ATP8A1: variants seen among roughly 807,000 people sequenced by gnomAD.
ATP8A1 encodes the protein phospholipid-transporting ATPase IA.
In ATP8A1, 90 loss-of-function variants were observed where a neutral mutation model predicts 177.7. The ratio of observed to expected loss-of-function variants is 0.51; its 90% confidence interval spans 0.43 to 0.60. The LOEUF is 0.60. Among genes scored for constraint, ATP8A1 ranks in the 20% least tolerant of loss-of-function variants. ATP8A1 has a pLI of 0.00. For synonymous variants in ATP8A1, 493 were observed against 485.9 expected (o/e 1.01, Z -0.19); for missense variants, 1,072 against 1,392.8 (o/e 0.77, Z 3.67).
chr4:42,476,953 T>C (rs78174121), intron 25 of ATP8A1, among the ~76,000 whole-genome samples: 1,905 of 152,342 alleles, frequency 0.013, 43 homozygotes, highest in African/African-American at 0.043. Flanking sequence ...CCACTGATTT[T>C]ATATATGTCT....
At position 42,513,529 on chromosome 4, in the gene ATP8A1, A is replaced by T. The variant is rs114542545; in HGVS notation, c.1948-6375T>A. The stretch of plus-strand genomic sequence containing the variant: ...AGCCAAGAAATGGGGAGAGGTGGGG[A>T]AGGATAAGGGAGGTGATTCCAAATG... On this transcript the variant is annotated intron_variant, in intron 22 of 36. Coordinates refer to ENST00000381668, the MANE Select transcript of ATP8A1 (RefSeq NM_006095.2). Among the ~76,000 whole-genome samples the T allele has an allele frequency of 5.5e-3, 841 of 152,286 alleles. 10 individuals carry two copies. The highest frequency in any genetic ancestry group is 7.4e-3 in the Non-Finnish European group (500 of 68,022).
chr4:42,649,279 T>G (rs746226426), intron 1 of ATP8A1, among the ~76,000 whole-genome samples: 6 of 152,146 alleles, frequency 3.9e-5, no homozygotes, highest in Admixed American at 6.5e-5. Flanking sequence ...TTCCAGGCAC[T>G]AAGGATATAA....
At position 42,413,259 on chromosome 4, in the gene ATP8A1, C is replaced by T. The variant is rs112601548; in HGVS notation, c.3398-246G>A. ...TCTCTCTAGAAGACTGAGTAGGCAC[C>T]CTCAATTCCCCTAAATCCTCTGTCC... is the stretch of plus-strand genomic sequence containing the variant. On this transcript the variant is annotated intron_variant, in intron 36 of 36. Coordinates refer to ENST00000381668, the MANE Select transcript of ATP8A1 (RefSeq NM_006095.2). Among the ~76,000 whole-genome samples, 264 of 152,194 alleles carry T rather than the reference C, an allele frequency of 1.7e-3. 1 individual carries two copies. Among genetic ancestry groups the T allele is most frequent in the African/African-American group, 6.2e-3 (256 of 41,522 alleles).
chr4:42,626,096 T>C, intron 2 of ATP8A1: 1 of 153,778 alleles, frequency 6.5e-6, no homozygotes, highest in Non-Finnish European at 1.4e-5. Flanking sequence ...ATCAGCAATT[T>C]GAGCAATTTG....
chr4:42,441,265 G>A (rs1716611061), intron 33 of ATP8A1, among the ~76,000 whole-genome samples: 2 of 152,020 alleles, frequency 1.3e-5, no homozygotes, highest in South Asian at 2.1e-4. Flanking sequence ...AGTTGAATAA[G>A]CTTTAAGACA....
chr4:42,436,553 G>C (rs1249830963), intron 33 of ATP8A1, among the ~76,000 whole-genome samples: 1 of 152,198 alleles, frequency 6.6e-6, no homozygotes, highest in Non-Finnish European at 1.5e-5. Context: ...GCTGCCTTTA[G>C]AACAGTGAAT....
At chr4:42,463,957 G>A (rs1025378741) in intron 27 of ATP8A1, among the ~76,000 whole-genome samples, 3 of 152,114 alleles carry the variant, frequency 2.0e-5, no homozygotes, top group Non-Finnish European at 2.9e-5. Flanking sequence ...CTTCCTGATT[G>A]CACTTCTTTG....
intron 27 of ATP8A1, among the ~76,000 whole-genome samples, chr4:42,464,484 C>T (rs906270417): frequency 5.3e-5 from 8 of 152,224 alleles, no homozygotes; most frequent in South Asian, 2.1e-4. Context: ...AAGCTGGTCT[C>T]GAACTCCCGA....
intron 7 of ATP8A1, 108 bp downstream of exon 7, chr4:42,590,703 T>G: frequency 1.0e-6 from 1 of 965,162 alleles, no homozygotes; most frequent in South Asian, 1.5e-5. Context: ...AAAAAGTTTG[T>G]GTTTTAAAGG....
At chr4:42,432,018 A>C (rs1239833275) in intron 33 of ATP8A1, among the ~76,000 whole-genome samples, 1 of 152,156 alleles carries the variant, frequency 6.6e-6, no homozygotes, top group East Asian at 1.9e-4. Context: ...TGCTTTGTCT[A>C]TGCTCTATTA....
Position 42,412,800 on chromosome 4 carries a change from G to T in ATP8A1, c.*116C>A. 1.3e-6 allele frequency: 1 copy of T among 767,914 alleles called. No individual in the cohort carries two copies. Among genetic ancestry groups the T allele is most frequent in the Non-Finnish European group, 2.2e-6 (1 of 460,188 alleles). The allele number at this position is 767,914 out of a possible 1,614,324, so 47.6% of individuals were successfully genotyped here. On this transcript the variant is annotated 3_prime_UTR_variant, in exon 37 of 37. Transcript: ENST00000381668. Reference sequence around the variant, plus strand: ...ATCTGAATGTCCATCAGCGAGATGAGCTCAGATCTACCTTTCCTCTTCATG... The same window carrying T: ...ATCTGAATGTCCATCAGCGAGATGATCTCAGATCTACCTTTCCTCTTCATG...
At chr4:42,618,753 T>C (rs80207886) in intron 4 of ATP8A1, among the ~76,000 whole-genome samples, 14,014 of 152,268 alleles carry the variant, frequency 0.092, 789 homozygotes, top group African/African-American at 0.15. Flanking sequence ...CCATGTTAGA[T>C]AGTGGTAAGT....
chr4:42,602,923 C>G (rs185785296), intron 5 of ATP8A1, among the ~76,000 whole-genome samples: 3 of 152,066 alleles, frequency 2.0e-5, no homozygotes, highest in Non-Finnish European at 2.9e-5. Context: ...CCAAGATCAA[C>G]TGACAGAGTG....
chr4:42,609,377 A>G (rs146059055), intron 5 of ATP8A1, among the ~76,000 whole-genome samples: 157 of 152,318 alleles, frequency 1.0e-3, no homozygotes, highest in African/African-American at 3.6e-3. Context: ...ATCGGAGCAC[A>G]AAGACCAGCA....
intron 5 of ATP8A1, among the ~76,000 whole-genome samples, chr4:42,614,663 T>C (rs1354938652): frequency 6.6e-6 from 1 of 152,202 alleles, no homozygotes; most frequent in Non-Finnish European, 1.5e-5. Context: ...GGAATCCCCT[T>C]GGCTTAGCCT....
At chr4:42,569,081 G>C (rs1577608389) in intron 15 of ATP8A1, 80 bp downstream of exon 15, 3 of 750,568 alleles carry the variant, frequency 4.0e-6, no homozygotes, top group East Asian at 6.6e-5. Flanking sequence ...ATATAAAAGA[G>C]AGTGAAATGT....
chr4:42,418,849 G>C (rs1335013249), intron 35 of ATP8A1, among the ~76,000 whole-genome samples: 1 of 152,154 alleles, frequency 6.6e-6, no homozygotes, highest in African/African-American at 2.4e-5. Flanking sequence ...TTTTAACCAA[G>C]ATGATTTTTT....
intron 27 of ATP8A1, among the ~76,000 whole-genome samples, chr4:42,462,792 C>T (rs1276491887): frequency 6.6e-6 from 1 of 152,208 alleles, no homozygotes; most frequent in Non-Finnish European, 1.5e-5. Flanking sequence ...GGGAGGGAGG[C>T]TGTATCCTGT....
intron 25 of ATP8A1, 61 bp from the exon 26 acceptor site, chr4:42,465,137 C>T (rs901316798): frequency 3.8e-5 from 55 of 1,431,320 alleles, no homozygotes; most frequent in Admixed American, 1.5e-4. Context: ...GAAATGCCAT[C>T]GTGTTGAAGG....
Sources: gnomAD v4.1 joint callset for allele counts (sites outside exome capture counted in the v4.1 genomes callset) on GRCh38, gnomAD v4.1.1 for gene constraint, MANE v1.5 for transcripts, NCBI Gene and HGNC (gene_info 2026-07-23, HGNC 2026-07-21) for gene names.